Variants in DBNDD2 observed in about 807,000 individuals in gnomAD.
The protein encoded by DBNDD2 is dysbindin domain containing 2, also known as dysbindin domain-containing protein 2.
Under a neutral mutation model 14.0 loss-of-function variants are expected in DBNDD2, and 8 were observed. The ratio of observed to expected loss-of-function variants is 0.57; its 90% CI spans 0.33 to 1.03. DBNDD2 has a LOEUF of 1.03. Ranked by LOEUF, DBNDD2 falls within the 50% of genes least tolerant of loss-of-function variation. The pLI, the probability that DBNDD2 is intolerant of heterozygous loss-of-function variation, is 0.03. For synonymous variants in DBNDD2, 94 were observed against 85.3 expected, an observed-to-expected ratio of 1.10 and a Z score of -0.56; for missense variants, 194 against 206.0, an observed-to-expected ratio of 0.94 and a Z score of 0.36.
chr20:45,406,735 A>T, upstream of DBNDD2: 1 of 1,272,316 alleles, frequency 7.9e-7, no homozygotes, highest in Non-Finnish European at 9.9e-7. Context: ...CGCTGCAGGT[A>T]GGGGCTCCGG....
rs762893425 is a variant in DBNDD2, at chr20:45,410,256, G to A, written c.*116G>A. 2.7e-6 allele frequency: 3 copies of A among 1,126,176 alleles called. No homozygotes were observed. The highest frequency in any genetic ancestry group is 2.5e-6 in the Non-Finnish European group (2 of 788,248). The allele number at this position is 1,126,176 out of a possible 1,614,324, so 69.8% of individuals were successfully genotyped here. ...TCTTTACTTGCAGTAGGCACCAGAG[G>A]TGGGAAGGATGGTGGGATTGTGTAC... is the stretch of plus-strand genomic sequence containing the variant. On this transcript the variant is annotated 3_prime_UTR_variant, in exon 3 of 3. Coordinates refer to ENST00000372710, the MANE Select transcript of DBNDD2 (RefSeq NM_001048225.4).
chr20:45,406,449 A>G (rs1989384566), upstream of DBNDD2: 2 of 1,524,596 alleles, frequency 1.3e-6, no homozygotes, highest in East Asian at 2.8e-5. Context: ...GGAGGGAGGA[A>G]GGATGGGTGC....
chr20:45,408,895 G>C lies in DBNDD2; in HGVS notation c.234G>C (p.Val78=), dbSNP rs779156420. 2.5e-6 allele frequency: 4 copies of C among 1,614,086 alleles called. No homozygotes were observed. The highest frequency in any genetic ancestry group is 3.3e-5 in the Admixed American group (2 of 59,998). The change falls in exon 2 of 3, where the codon GTG becomes GTC. Residue 78 remains valine (V), a synonymous_variant. Transcript: ENST00000372710. The part of the protein sequence containing the change: ...IDLGDPDAAD[V]FLPCEDPPPT... ...TTGGGGACCCGGATGCAGCAGATGT[G>C]TTCTTGCCTTGCGAAGATCCTCCAC...
upstream of DBNDD2, chr20:45,408,110 T>C (rs1375097967): frequency 2.6e-5 from 39 of 1,492,274 alleles, no homozygotes; most frequent in Non-Finnish European, 3.4e-5. Context: ...AAAACGTACC[T>C]CCTCCATTTG....
upstream of DBNDD2, chr20:45,406,333 C>G (rs868350389): frequency 1.0e-6 from 1 of 979,322 alleles, no homozygotes; most frequent in South Asian, 1.9e-5. Flanking sequence ...CGCGGGCGCC[C>G]GCCGCGGGTC....
chr20:45,406,808 T>A (rs561592245), upstream of DBNDD2: 1 of 1,228,316 alleles, frequency 8.1e-7, no homozygotes, highest in South Asian at 3.6e-5. Context: ...GGGAACGGCC[T>A]TGGGGGAGCG....
At chr20:45,408,153 G>T, upstream of DBNDD2, 1 of 1,541,530 alleles carries the variant, frequency 6.5e-7, no homozygotes. Context: ...CCTCTCAGGA[G>T]GGCATGATAT....
chr20:45,407,365 C>T, upstream of DBNDD2: 1 of 985,780 alleles, frequency 1.0e-6, no homozygotes, highest in Non-Finnish European at 1.2e-6. Context: ...CTCTGTGGCG[C>T]CCGTGGAGCT....
In DBNDD2 at chr20:45,410,192, C is replaced by A; in HGVS notation, c.*52C>A. ...CACGCTGGCTATTCTCCACATGAGA[C>A]CACAGGCCCAGCCAGAGCCTGTCGG... On this transcript the variant is annotated 3_prime_UTR_variant, in exon 3 of 3. Coordinates refer to ENST00000372710, the MANE Select transcript of DBNDD2 (RefSeq NM_001048225.4). 1 of 1,541,624 alleles carries A rather than the reference C, an allele frequency of 6.5e-7. No homozygotes were observed. The highest frequency in any genetic ancestry group is 1.2e-5 in the South Asian group (1 of 83,694).
rs781293666 is a variant in DBNDD2 at position 45,408,543 on chromosome 20, A to T, written c.76A>T (p.Ile26Phe). 3.1e-6 allele frequency: 5 copies of T among 1,614,196 alleles called. No homozygotes were observed. ...LRERQKFFED[I>F]LQPETEFVFP... The stretch of plus-strand genomic sequence containing the variant: ...GGAGCGGCAAAAATTCTTCGAGGAC[A>T]TTTTACAGCCAGAGACAGAGTTTGT... The change falls in exon 1 of 3, where the codon ATT becomes TTT. Residue 26 changes from isoleucine (I) to phenylalanine (F), a missense_variant. Physicochemically the swap from Ile to Phe is conservative, Grantham distance 21 (BLOSUM62 0). Coordinates refer to ENST00000372710, the MANE Select transcript of DBNDD2 (RefSeq NM_001048225.4).
At position 45,410,354 on chromosome 20, in the gene DBNDD2, C is replaced by T; in HGVS notation, c.*214C>T. On this transcript the variant is annotated 3_prime_UTR_variant, in exon 3 of 3. Transcript: ENST00000372710. ...CTGCAACCCTCCCACCAGTTTTTGG[C>T]TTACTCCTGAGATATGATTTGCAAA... The T allele has an allele frequency of 5.0e-6, 3 of 597,394 alleles. No homozygotes were observed. In the South Asian group the frequency reaches 6.0e-5, roughly 12 times the overall value. The allele number at this position is 597,394 out of a possible 1,614,324, so 37.0% of individuals were successfully genotyped here. A position where few individuals can be genotyped will look rare whatever the true frequency, so the allele number is the denominator to read the frequency against.
At chr20:45,406,847 G>A, upstream of DBNDD2, 2 of 1,198,828 alleles carry the variant, frequency 1.7e-6, no homozygotes, top group East Asian at 3.5e-5. Flanking sequence ...CCGACGCCTC[G>A]TGTCCCTTTT....
chr20:45,406,433 C>A, upstream of DBNDD2: 1 of 1,522,498 alleles, frequency 6.6e-7, no homozygotes, highest in African/African-American at 1.4e-5. Context: ...AGGAGTCCGG[C>A]TGGGCGGAGG....
chr20:45,408,549 C>T lies in DBNDD2; in HGVS notation c.82C>T (p.Gln28Ter), dbSNP rs1299238085. The change falls in exon 1 of 3, where the codon CAG becomes TAG. Residue 28 changes from glutamine (Q) to a stop codon, truncating the protein, a stop_gained. Transcript: ENST00000372710. LOFTEE classifies it high-confidence loss of function. ...GCAAAAATTCTTCGAGGACATTTTACAGCCAGAGACAGAGTTTGTCTTTCC... is the reference window on the plus strand; with the variant it reads ...GCAAAAATTCTTCGAGGACATTTTATAGCCAGAGACAGAGTTTGTCTTTCC... The part of the protein sequence containing the change: ...ERQKFFEDIL[Q>*]PETEFVFPLS... 1.2e-6 allele frequency: 2 copies of T among 1,614,146 alleles called. No individual in the cohort carries two copies. Among genetic ancestry groups the T allele is most frequent in the Non-Finnish European group, 1.7e-6 (2 of 1,180,064 alleles).
upstream of DBNDD2, chr20:45,406,358 G>C: frequency 8.3e-7 from 1 of 1,209,184 alleles, no homozygotes; most frequent in Non-Finnish European, 1.1e-6. Flanking sequence ...CGGGGCGGGG[G>C]CGCAGCAAGT....
chr20:45,409,934 A>G lies in DBNDD2; in HGVS notation c.280A>G (p.Met94Val), dbSNP rs1127497. The change falls in exon 3 of 3, where the codon ATG (methionine) becomes GTG (valine). Residue 94 changes from methionine (M) to valine (V), a missense_variant and splice_region_variant. By Grantham distance (21) the Met-to-Val change is conservative. Coordinates refer to ENST00000372710, the MANE Select transcript of DBNDD2 (RefSeq NM_001048225.4). The part of the protein sequence containing the change: ...DPPPTPQSSG[M>V]DNHLEELSLP... ...GACCAGCTTTTCTCTCTGGGCAGGG[A>G]TGGACAACCATTTGGAGGAGCTGAG... is the stretch of plus-strand genomic sequence containing the variant. The G allele has an allele frequency of 0.78, 1,205,751 of 1,551,386 alleles. 470,924 individuals are homozygous for G. The highest frequency in any genetic ancestry group is 0.89 in the African/African-American group (64,923 of 73,106).
chr20:45,409,307 A>G (rs1312371056), intron 2 of DBNDD2, among the ~76,000 whole-genome samples: 1 of 152,226 alleles, frequency 6.6e-6, no homozygotes, highest in East Asian at 1.9e-4. Context: ...GTAGGTTCCA[A>G]TACTGTACTA....
At chr20:45,407,383 G>T (rs1989503732), upstream of DBNDD2, 2 of 985,770 alleles carry the variant, frequency 2.0e-6, no homozygotes, top group Non-Finnish European at 2.4e-6. Context: ...GCTGGCCAGG[G>T]TCTGGGATAC....
chr20:45,406,622 G>GGGAGCCCTGGAGGC, upstream of DBNDD2: 1 of 1,406,016 alleles, frequency 7.1e-7, no homozygotes, highest in Non-Finnish European at 9.2e-7. Context: ...TCGGTCCCCC[G>GGGAGCCCTGGAGGC]GGAGCCCTGG....
Sources: gnomAD v4.1 joint callset for allele counts (sites outside exome capture counted in the v4.1 genomes callset) on GRCh38, gnomAD v4.1.1 for gene constraint, MANE v1.5 for transcripts, NCBI Gene and HGNC (gene_info 2026-07-23, HGNC 2026-07-21) for gene names.